The following CRPPA variants were observed in gnomAD, a reference collection of about 807,000 sequenced individuals.
CRPPA encodes the protein D-ribitol-5-phosphate cytidylyltransferase.
Under a neutral mutation model 52.0 loss-of-function variants are expected in CRPPA, and 43 were observed. The ratio of observed to expected loss-of-function variants is 0.83; its 90% confidence interval spans 0.65 to 1.07. The LOEUF (loss-of-function observed/expected upper bound fraction) is 1.07. CRPPA is among the 50% of genes least tolerant of loss of function. The pLI, the probability that CRPPA is intolerant of heterozygous loss-of-function variation, is 0.00. For synonymous variants in CRPPA, 250 were observed against 203.5 expected, an observed-to-expected ratio of 1.23 and a Z score of -1.94; for missense variants, 629 against 551.7, an observed-to-expected ratio of 1.14 and a Z score of -1.40.
At chr7:16,100,858 T>A (rs1490140352) in intron 9 of CRPPA, among the ~76,000 whole-genome samples, 1 of 152,206 alleles carries the variant, frequency 6.6e-6, no homozygotes, top group Non-Finnish European at 1.5e-5. Context: ...GTTTTTAGCA[T>A]GAAGGGGTGT....
intron 8 of CRPPA, among the ~76,000 whole-genome samples, chr7:16,226,424 A>G (rs987877155): frequency 6.6e-6 from 1 of 151,820 alleles, no homozygotes; most frequent in South Asian, 2.1e-4. Flanking sequence ...CCAACTTAAC[A>G]TTTTATTTTG....
intron 9 of CRPPA, among the ~76,000 whole-genome samples, chr7:16,210,191 T>C (rs1583431094): frequency 6.6e-6 from 1 of 152,214 alleles, no homozygotes; most frequent in South Asian, 2.1e-4. Context: ...ATTTGTATGC[T>C]TTTTTATATT....
intron 3 of CRPPA, among the ~76,000 whole-genome samples, chr7:16,374,036 T>G (rs1786816705): frequency 6.6e-6 from 1 of 152,170 alleles, no homozygotes; most frequent in South Asian, 2.1e-4. Flanking sequence ...ATGGTTAATA[T>G]TAGGTATTAA....
chr7:16,213,439 CA>C (rs1782205660), intron 9 of CRPPA, among the ~76,000 whole-genome samples: 1 of 151,866 alleles, frequency 6.6e-6, no homozygotes, highest in Admixed American at 6.6e-5. Context: ...CAATCTTTTA[CA>C]AATTTTTTTT....
At position 16,413,301 on chromosome 7, in the gene CRPPA, CTT is replaced by C. The variant is rs1788113402; in HGVS notation, c.258-6966_258-6965del. Among the ~76,000 whole-genome samples, 3 of 152,294 alleles carry C rather than the reference CTT, an allele frequency of 2.0e-5. No homozygotes were observed. The South Asian group carries it at 6.2e-4, about 32-fold the overall frequency. On this transcript the variant is annotated intron_variant, in intron 1 of 9. Transcript: ENST00000407010. ...CAGGCCTCAGCCTACCTGCCTTAGA[CTT>C]ACCACTTATTTTGAAGGTGTTCCAT... is the stretch of plus-strand genomic sequence containing the variant.
intron 9 of CRPPA, among the ~76,000 whole-genome samples, chr7:16,124,699 G>A (rs994957892): frequency 2.6e-5 from 4 of 152,058 alleles, no homozygotes; most frequent in Non-Finnish European, 2.9e-5. Context: ...TCAAATAGCT[G>A]TAAGAGAGAA....
intron 9 of CRPPA, among the ~76,000 whole-genome samples, chr7:16,109,470 T>A (rs1298368723): frequency 6.6e-6 from 1 of 151,992 alleles, no homozygotes; most frequent in African/African-American, 2.4e-5. Context: ...GGCTGAATTC[T>A]ACCAAATATT....
chr7:16,187,240 C>G (rs1171469097), intron 9 of CRPPA, among the ~76,000 whole-genome samples: 3 of 152,094 alleles, frequency 2.0e-5, no homozygotes, highest in Non-Finnish European at 4.4e-5. Context: ...CTACATTGTT[C>G]CTGTCTGTTC....
At chr7:16,214,028 G>A (rs543337751) in intron 9 of CRPPA, among the ~76,000 whole-genome samples, 76 of 152,184 alleles carry the variant, frequency 5.0e-4, no homozygotes, top group African/African-American at 1.8e-3. Flanking sequence ...TTTATACTAC[G>A]TATAAATGGC....
intron 2 of CRPPA, among the ~76,000 whole-genome samples, chr7:16,385,032 A>C (rs1787219175): frequency 6.6e-6 from 1 of 152,222 alleles, no homozygotes; most frequent in Admixed American, 6.5e-5. Context: ...AACTATAATG[A>C]ACATTTATAA....
In CRPPA at chr7:16,132,944, C is replaced by G. The variant is rs1392295019; in HGVS notation, c.1252-41145G>C. Among the ~76,000 whole-genome samples, 2 of 122,892 alleles carry G rather than the reference C, an allele frequency of 1.6e-5. 1 individual carries two copies. Among genetic ancestry groups the G allele is most frequent in the Non-Finnish European group, 3.7e-5 (2 of 54,248 alleles). 80.6% of individuals were successfully genotyped at this position (122,892 alleles called of 152,430 possible). On this transcript the variant is annotated intron_variant, in intron 9 of 9. Transcript: ENST00000407010. ...CGCTGAGGTGGGAGGACTGCCTGAG[C>G]TCAGGAGTTTGAGACTAGTCTGGGA...
chr7:16,138,706 A>G (rs924448259), intron 9 of CRPPA, among the ~76,000 whole-genome samples: 19 of 152,072 alleles, frequency 1.2e-4, no homozygotes, highest in African/African-American at 4.6e-4. Context: ...AAATTATCTT[A>G]TACTTTGACC....
At chr7:16,357,617 C>T (rs1786335243) in intron 3 of CRPPA, among the ~76,000 whole-genome samples, 1 of 152,140 alleles carries the variant, frequency 6.6e-6, no homozygotes, top group Non-Finnish European at 1.5e-5. Flanking sequence ...TAGCTGTCTG[C>T]CTTGTCACTA....
intron 8 of CRPPA, among the ~76,000 whole-genome samples, chr7:16,255,874 T>A (rs963238500): frequency 6.6e-6 from 1 of 152,044 alleles, no homozygotes; most frequent in Non-Finnish European, 1.5e-5. Context: ...ATTCAGGACA[T>A]AAAGATGGGC....
Position 16,342,766 on chromosome 7 carries a change from A to C in CRPPA, c.684+33326T>G, listed in dbSNP as rs1300186299. 1.6e-3 allele frequency among the ~76,000 whole-genome samples: 10 copies of C among 6,244 alleles called. 1 individual carries two copies. Among genetic ancestry groups the C allele is most frequent in the South Asian group, 0.014 (3 of 216 alleles). 4.1% of individuals were successfully genotyped at this position (6,244 alleles called of 152,430 possible). On this transcript the variant is annotated intron_variant, in intron 3 of 9. Coordinates refer to ENST00000407010, the MANE Select transcript of CRPPA (RefSeq NM_001101426.4). ...AACAGGATGAACCCTGTCTCCACAAAAAAAAAAAAAAAAAAAATATATATA... is the reference window on the plus strand; with the variant it reads ...AACAGGATGAACCCTGTCTCCACAACAAAAAAAAAAAAAAAAATATATATA...
intron 9 of CRPPA, among the ~76,000 whole-genome samples, chr7:16,124,135 C>G (rs1167599276): frequency 7.4e-6 from 1 of 135,568 alleles, no homozygotes; most frequent in Non-Finnish European, 1.5e-5. Context: ...TGAGGAACCT[C>G]CATACTGTTT....
At chr7:16,275,364 A>G (rs1372736602) in intron 6 of CRPPA, among the ~76,000 whole-genome samples, 2 of 152,160 alleles carry the variant, frequency 1.3e-5, no homozygotes, top group East Asian at 3.9e-4. Flanking sequence ...ATTCAAAACC[A>G]ATAAACAGAA....
At chr7:16,387,193 T>C (rs933080234) in intron 2 of CRPPA, among the ~76,000 whole-genome samples, 2 of 150,296 alleles carry the variant, frequency 1.3e-5, no homozygotes, top group African/African-American at 4.9e-5. Context: ...CAAAAGTAAT[T>C]GCAGTTTTTA....
Position 16,176,113 on chromosome 7 carries a change from T to C in CRPPA, c.1251+39953A>G, listed in dbSNP as rs1172234839. On this transcript the variant is annotated intron_variant, in intron 9 of 9. Coordinates refer to ENST00000407010, the MANE Select transcript of CRPPA (RefSeq NM_001101426.4). Reference sequence around the variant, plus strand: ...ACCCTGAAGATATTAAGCTCTATATTCCATCTTCTCTACAAACAACCTTAA... The same window carrying C: ...ACCCTGAAGATATTAAGCTCTATATCCCATCTTCTCTACAAACAACCTTAA... Among the ~76,000 whole-genome samples, 5 of 152,142 alleles carry C rather than the reference T, an allele frequency of 3.3e-5. No individual in the cohort carries two copies. In the South Asian group the frequency reaches 1.0e-3, roughly 31 times the overall value.
Sources: gnomAD v4.1 joint callset for allele counts (sites outside exome capture counted in the v4.1 genomes callset) on GRCh38, gnomAD v4.1.1 for gene constraint, MANE v1.5 for transcripts, NCBI Gene and HGNC (gene_info 2026-07-23, HGNC 2026-07-21) for gene names.